Variants in WDPCP observed in about 807,000 individuals in gnomAD.
WDPCP encodes the protein WD repeat-containing and planar cell polarity effector protein fritz homolog.
A neutral mutation model predicts 93.1 loss-of-function variants in WDPCP; 71 were observed. The ratio of observed to expected loss-of-function variants is 0.76; its 90% CI spans 0.63 to 0.93. The LOEUF (loss-of-function observed/expected upper bound fraction) is 0.93. WDPCP is among the 40% of genes least tolerant of loss of function. The pLI, the probability that WDPCP is intolerant of heterozygous loss-of-function variation, is 0.00. For synonymous variants in WDPCP, 315 were observed against 315.0 expected (o/e 1.00, Z 0.00); for missense variants, 844 against 887.4 (o/e 0.95, Z 0.62).
upstream of WDPCP, chr2:63,590,686 C>G (rs1483872537): frequency 6.6e-6 from 1 of 152,098 alleles, no homozygotes; most frequent in African/African-American, 2.4e-5. Context: ...ATTTTGGGCC[C>G]CAGATTCTTA....
intron 14 of WDPCP, among the ~76,000 whole-genome samples, chr2:63,215,540 C>T (rs1677248717): frequency 6.6e-6 from 1 of 152,196 alleles, no homozygotes; most frequent in African/African-American, 2.4e-5. Context: ...CTTCCTTACA[C>T]CTTATACAAA....
At chr2:63,270,030 C>A (rs1450709683) in intron 13 of WDPCP, among the ~76,000 whole-genome samples, 2 of 152,002 alleles carry the variant, frequency 1.3e-5, no homozygotes, top group Admixed American at 1.3e-4. Context: ...TTAGAAGCAC[C>A]ATATTTTGTA....
At chr2:63,425,227 G>T (rs1030338191) in intron 9 of WDPCP, among the ~76,000 whole-genome samples, 2 of 152,048 alleles carry the variant, frequency 1.3e-5, no homozygotes, top group African/African-American at 4.8e-5. Context: ...AAAACAAAAA[G>T]CCCCATTCAA....
chr2:63,289,122 A>G (rs776954804), intron 13 of WDPCP, among the ~76,000 whole-genome samples: 1 of 152,136 alleles, frequency 6.6e-6, no homozygotes, highest in Non-Finnish European at 1.5e-5. Flanking sequence ...TTTGTAAATC[A>G]TAGATATTTC....
chr2:63,439,888 G>C lies in WDPCP; in HGVS notation c.385-17C>G, dbSNP rs183208705. ...AAAAAGGAGCTAAAACCAGGTAAGTGGGGGAGAGAGGGAGGAAGACATGCT... is the reference window on the plus strand; with the variant it reads ...AAAAAGGAGCTAAAACCAGGTAAGTCGGGGAGAGAGGGAGGAAGACATGCT... On this transcript the variant is annotated splice_polypyrimidine_tract_variant and intron_variant, in intron 6 of 17. Transcript: ENST00000272321. The C allele has an allele frequency of 1.0e-5, 16 of 1,580,766 alleles. No homozygotes were observed. The highest frequency in any genetic ancestry group is 1.0e-4 in the Admixed American group (6 of 59,782).
chr2:63,808,799 G>A (rs919862266), intron 2 of WDPCP, among the ~76,000 whole-genome samples: 31 of 152,032 alleles, frequency 2.0e-4, no homozygotes, highest in African/African-American at 4.3e-4. Context: ...CTGCCTGGCC[G>A]CCCATCGTCT....
Position 63,121,931 on chromosome 2 carries a change from C to G in WDPCP, c.*75G>C, listed in dbSNP as rs893339705. ...TACTGTCTCTTGTTAAAAATCCACA[C>G]GGGGGATTTTAAGTCTGTATCAGGC... On this transcript the variant is annotated 3_prime_UTR_variant, in exon 18 of 18. Transcript: ENST00000272321. 5 of 1,595,454 alleles carry G rather than the reference C, an allele frequency of 3.1e-6. No homozygotes were observed. The African/African-American group carries it at 5.4e-5, about 17-fold the overall frequency.
chr2:63,210,169 T>C (rs1676659484), intron 14 of WDPCP, among the ~76,000 whole-genome samples: 1 of 151,894 alleles, frequency 6.6e-6, no homozygotes, highest in Non-Finnish European at 1.5e-5. Context: ...AATATACATA[T>C]GTAATTGCAA....
intron 1 of WDPCP, among the ~76,000 whole-genome samples, chr2:63,542,237 G>A (rs1575611848): frequency 6.6e-6 from 1 of 152,276 alleles, no homozygotes; most frequent in Middle Eastern, 3.4e-3. Flanking sequence ...GCCTGGGAAG[G>A]AAGCATTTTT....
chr2:63,186,761 C>G (rs1032809083), intron 14 of WDPCP, among the ~76,000 whole-genome samples: 2 of 150,348 alleles, frequency 1.3e-5, no homozygotes, highest in African/African-American at 4.9e-5. Flanking sequence ...TGTGCTCCTT[C>G]TTGAATAAAA....
intron 6 of WDPCP, chr2:63,442,742 G>A (rs1359850794): frequency 6.6e-6 from 1 of 152,102 alleles, no homozygotes; most frequent in Non-Finnish European, 1.5e-5. Context: ...TTTTCCAAGT[G>A]TCTAATTTCT....
At chr2:63,283,248 G>A (rs1383444306) in intron 13 of WDPCP, among the ~76,000 whole-genome samples, 6 of 152,088 alleles carry the variant, frequency 3.9e-5, no homozygotes, top group Non-Finnish European at 5.9e-5. Context: ...TTGCTATATT[G>A]CCCAGGCTGG....
intron 2 of WDPCP, among the ~76,000 whole-genome samples, chr2:63,762,421 AT>A (rs1297644991): frequency 1.3e-5 from 2 of 152,194 alleles, no homozygotes; most frequent in African/African-American, 4.8e-5. Flanking sequence ...CCCCTTTCAG[AT>A]TATGCCAATA....
intron 13 of WDPCP, among the ~76,000 whole-genome samples, chr2:63,294,217 A>C (rs779395271): frequency 1.3e-5 from 2 of 152,206 alleles, no homozygotes; most frequent in African/African-American, 4.8e-5. Flanking sequence ...AAAAGTGCCA[A>C]AAGAGGCCAG....
At chr2:63,240,261 C>G (rs1416061456) in intron 14 of WDPCP, among the ~76,000 whole-genome samples, 2 of 152,028 alleles carry the variant, frequency 1.3e-5, no homozygotes, top group Non-Finnish European at 2.9e-5. Context: ...TCACTGTAAC[C>G]TCAAACTCTT....
intron 14 of WDPCP, among the ~76,000 whole-genome samples, chr2:63,206,917 TG>T (rs1676385784): frequency 6.6e-6 from 1 of 152,228 alleles, no homozygotes; most frequent in Admixed American, 6.5e-5. Flanking sequence ...CTCACATTGA[TG>T]GGCAACAAAT....
intron 10 of WDPCP, among the ~76,000 whole-genome samples, chr2:63,392,662 T>C (rs1693364763): frequency 6.6e-6 from 1 of 152,124 alleles, no homozygotes; most frequent in Admixed American, 6.5e-5. Context: ...ATATCAAGAA[T>C]CTACAAAGAA....
intron 1 of WDPCP, 104 bp downstream of exon 1, chr2:63,588,093 G>A (rs1708996558): frequency 1.5e-6 from 2 of 1,352,620 alleles, no homozygotes; most frequent in Non-Finnish European, 2.1e-6. Context: ...CGGCGAGCTT[G>A]CAGGCATCCG....
At chr2:63,823,508 C>CA (rs1325391914) in intron 1 of WDPCP, among the ~76,000 whole-genome samples, 1 of 151,454 alleles carries the variant, frequency 6.6e-6, no homozygotes, top group African/African-American at 2.4e-5. Context: ...ATCTCAAAAA[C>CA]AAAAACAAAC....
Sources: gnomAD v4.1 joint callset for allele counts (sites outside exome capture counted in the v4.1 genomes callset) on GRCh38, gnomAD v4.1.1 for gene constraint, MANE v1.5 for transcripts, NCBI Gene and HGNC (gene_info 2026-07-23, HGNC 2026-07-21) for gene names.